The following ZFHX4 variants were observed in gnomAD, a reference collection of about 807,000 sequenced individuals.
ZFHX4 encodes zinc finger homeobox 4.
In ZFHX4, 56 loss-of-function variants were observed where a neutral mutation model predicts 267.6. The observed-to-expected ratio is 0.21, with a 90% CI of 0.17 to 0.26. The LOEUF (loss-of-function observed/expected upper bound fraction) is 0.26, where lower values mean the gene tolerates loss of function less well. Ranked by LOEUF, ZFHX4 falls within the 10% of genes least tolerant of loss-of-function variation. The probability of loss-of-function intolerance (pLI) is 1.00; values close to 1 mark genes in which losing one functional copy is unlikely to be tolerated. For synonymous variants in ZFHX4, 1,778 were observed against 1,665.6 expected (o/e 1.07, Z -1.64); for missense variants, 4,332 against 4,420.0 (o/e 0.98, Z 0.56).
At position 76,744,604 on chromosome 8, in the gene ZFHX4, G is replaced by A. The variant is rs144150961; in HGVS notation, c.3094-33604G>A. ...ATTTTTGTATTTTTCGTAGAGACAG[G>A]GTTTCACCGTGTTGGCCAGGCAGGT... On this transcript the variant is annotated intron_variant, in intron 3 of 10. Coordinates refer to ENST00000651372, the MANE Select transcript of ZFHX4 (RefSeq NM_024721.5). Among the ~76,000 whole-genome samples the A allele has an allele frequency of 9.1e-3, 1,390 of 151,928 alleles. 15 individuals carry two copies. The highest frequency in any genetic ancestry group is 0.012 in the Non-Finnish European group (821 of 67,990).
intron 2 of ZFHX4, 94 bp from the exon 3 acceptor site, chr8:76,707,452 G>A (rs1808305461): frequency 1.7e-6 from 2 of 1,162,260 alleles, no homozygotes; most frequent in Admixed American, 2.9e-5. Flanking sequence ...TCTAGAGAAA[G>A]CACATTCCTT....
chr8:76,720,188 G>T (rs1053840952), intron 3 of ZFHX4, among the ~76,000 whole-genome samples: 14 of 151,836 alleles, frequency 9.2e-5, no homozygotes, highest in Non-Finnish European at 1.9e-4. Context: ...TCCCTTCTCC[G>T]GCCCTAGGCA....
intron 3 of ZFHX4, among the ~76,000 whole-genome samples, chr8:76,777,397 A>T (rs2733718): frequency 3.3e-5 from 5 of 152,160 alleles, no homozygotes; most frequent in Non-Finnish European, 5.9e-5. Flanking sequence ...GTTGTGGGTC[A>T]CTGTGAATGG....
chr8:76,814,615 C>T (rs1450913978), intron 4 of ZFHX4, among the ~76,000 whole-genome samples: 2 of 152,018 alleles, frequency 1.3e-5, no homozygotes, highest in African/African-American at 2.4e-5. Context: ...TGATATATAC[C>T]TAAACTACAT....
At chr8:76,684,405 CT>C (rs1208005174) in intron 1 of ZFHX4, among the ~76,000 whole-genome samples, 1 of 152,224 alleles carries the variant, frequency 6.6e-6, no homozygotes, top group African/African-American at 2.4e-5. Context: ...TTATACAGTT[CT>C]TTTTTTGAAT....
chr8:76,836,098 G>T (rs1784922450), intron 5 of ZFHX4, among the ~76,000 whole-genome samples: 1 of 152,138 alleles, frequency 6.6e-6, no homozygotes, highest in Non-Finnish European at 1.5e-5. Context: ...TCTTCTATGT[G>T]CCAGAGACTG....
At chr8:76,792,568 CAT>C (rs1279025788) in intron 4 of ZFHX4, among the ~76,000 whole-genome samples, 1 of 152,150 alleles carries the variant, frequency 6.6e-6, no homozygotes, top group Non-Finnish European at 1.5e-5. Context: ...TGGACAAGAT[CAT>C]ATGTTTCTTG....
rs17365634 is a variant in ZFHX4, at chr8:76,806,155, A to G, written c.3326-27183A>G. 6.5e-3 allele frequency among the ~76,000 whole-genome samples: 985 copies of G among 152,230 alleles called. 6 individuals are homozygous for G. The highest frequency in any genetic ancestry group is 9.4e-3 in the Non-Finnish European group (636 of 67,994). On this transcript the variant is annotated intron_variant, in intron 4 of 10. Transcript: ENST00000651372. ...CACTCAGCATGGTTCATCATCTTCA[A>G]GCAGATCTCCTTTTCTATCACTGTT...
chr8:76,706,920 TTCAG>T (rs1808291863), intron 2 of ZFHX4, among the ~76,000 whole-genome samples: 2 of 152,364 alleles, frequency 1.3e-5, no homozygotes, highest in South Asian at 4.1e-4. Flanking sequence ...TTTGTCTTCA[TTCAG>T]TAAGTTGATT....
rs180891784 is a variant in ZFHX4 at position 76,753,976 on chromosome 8, C to T, written c.3094-24232C>T. On this transcript the variant is annotated intron_variant, in intron 3 of 10. Transcript: ENST00000651372. ...TTATTTTATAAGTTGATAGTTAACG[C>T]TTTGGAATCATACTGACAGGGTTTT... is the stretch of plus-strand genomic sequence containing the variant. Among the ~76,000 whole-genome samples the T allele has an allele frequency of 8.6e-3, 1,306 of 152,126 alleles. 9 individuals carry two copies. The highest frequency in any genetic ancestry group is 0.014 in the Non-Finnish European group (942 of 68,006).
intron 4 of ZFHX4, among the ~76,000 whole-genome samples, chr8:76,796,955 G>A (rs544986141): frequency 6.6e-6 from 1 of 152,274 alleles, no homozygotes; most frequent in African/African-American, 2.4e-5. Flanking sequence ...TTGGCAATAT[G>A]TGACTGTTAC....
intron 1 of ZFHX4, among the ~76,000 whole-genome samples, chr8:76,702,745 A>G (rs1343400663): frequency 6.6e-6 from 1 of 152,194 alleles, no homozygotes; most frequent in Non-Finnish European, 1.5e-5. Context: ...CCTTGAAGTT[A>G]TGAGACTCTT....
intron 1 of ZFHX4, among the ~76,000 whole-genome samples, chr8:76,691,896 C>T (rs1435401912): frequency 1.3e-5 from 2 of 152,080 alleles, no homozygotes; most frequent in African/African-American, 4.8e-5. Context: ...AGCAAGTCTA[C>T]ACAGATATTT....
rs369327944 is a variant in ZFHX4 at position 76,705,381 on chromosome 8, G to C, written c.1293G>C (p.Glu431Asp). ...TCTCCCTCAGCCACTCATCGTCTGA[G>C]TCTAGCAAGATGTCAGAGAGCAAAG... ...TSVSLSHSSS[E>D]SSKMSESKDQ... Residue 431 changes from glutamate (E) to aspartate (D), a missense_variant, in exon 2 of 11, where the codon GAG becomes GAC. By Grantham distance (45) the Glu-to-Asp change is conservative. Around this residue, in one of 7 missense-constraint regions of ZFHX4, gnomAD observed 1,195 missense variants for 1,173.6 expected, o/e 1.02. Coordinates refer to ENST00000651372, the MANE Select transcript of ZFHX4 (RefSeq NM_024721.5). 1.2e-6 allele frequency: 2 copies of C among 1,613,928 alleles called. No individual in the cohort carries two copies. Among genetic ancestry groups the C allele is most frequent in the East Asian group, 2.2e-5 (1 of 44,860 alleles).
chr8:76,748,733 C>T (rs1809535900), intron 3 of ZFHX4, among the ~76,000 whole-genome samples: 1 of 152,158 alleles, frequency 6.6e-6, no homozygotes, highest in Non-Finnish European at 1.5e-5. Context: ...AAAATTGTTA[C>T]CTCACACTTA....
chr8:76,856,972 A>G (rs1037833526), intron 10 of ZFHX4, among the ~76,000 whole-genome samples: 1 of 152,240 alleles, frequency 6.6e-6, no homozygotes, highest in African/African-American at 2.4e-5. Flanking sequence ...TTAGAAATAC[A>G]TTAATATTAC....
chr8:76,802,442 C>T (rs750742198), intron 4 of ZFHX4, among the ~76,000 whole-genome samples: 4 of 152,140 alleles, frequency 2.6e-5, no homozygotes, highest in Non-Finnish European at 5.9e-5. Flanking sequence ...CGCATATGTA[C>T]TTGTAGCATA....
At chr8:76,702,388 G>A (rs1289497609) in intron 1 of ZFHX4, among the ~76,000 whole-genome samples, 1 of 152,184 alleles carries the variant, frequency 6.6e-6, no homozygotes, top group Non-Finnish European at 1.5e-5. Flanking sequence ...GGCCTGACAA[G>A]ATTGGATTTG....
At chr8:76,842,585 A>G (rs1468268724) in intron 5 of ZFHX4, 70 bp from the exon 6 acceptor site, 6 of 1,105,594 alleles carry the variant, frequency 5.4e-6, no homozygotes, top group Non-Finnish European at 6.5e-6. Context: ...TCAAGTGGCC[A>G]CCTAGTTTAT....
Sources: allele counts gnomAD v4.1 joint callset (sites outside exome capture counted in the v4.1 genomes callset), GRCh38; gene constraint gnomAD v4.1.1; regional missense constraint gnomAD v4.1.1; transcripts MANE v1.5; gene names NCBI Gene and HGNC (gene_info 2026-07-23, HGNC 2026-07-21).